CTNNA2: variants seen among roughly 807,000 people sequenced by gnomAD.
CTNNA2 encodes the protein catenin alpha-2.
In CTNNA2, 42 loss-of-function variants were observed where a neutral mutation model predicts 101.0. That is an observed-to-expected ratio of 0.42 (90% CI 0.32 to 0.54). CTNNA2 has a LOEUF of 0.54. Ranked by LOEUF, CTNNA2 falls within the 20% of genes least tolerant of loss-of-function variation. The pLI is 0.14. For synonymous variants in CTNNA2, 450 were observed against 456.4 expected, an observed-to-expected ratio of 0.99 and a Z score of 0.18; for missense variants, 871 against 1,223.1, an observed-to-expected ratio of 0.71 and a Z score of 4.29.
intron 7 of CTNNA2, among the ~76,000 whole-genome samples, chr2:80,071,932 G>A (rs1380830591): frequency 6.6e-6 from 1 of 152,182 alleles, no homozygotes; most frequent in Non-Finnish European, 1.5e-5. Context: ...GTTATTGGAA[G>A]AGAACAAGAG....
chr2:79,341,573 ACT>A (rs1177177729), intron 3 of CTNNA2, among the ~76,000 whole-genome samples: 1 of 152,098 alleles, frequency 6.6e-6, no homozygotes, highest in Non-Finnish European at 1.5e-5. Context: ...TTTGTTTCAG[ACT>A]CTCTTTTCAA....
intron 1 of CTNNA2, among the ~76,000 whole-genome samples, chr2:79,538,567 C>T (rs1257362655): frequency 6.6e-6 from 1 of 152,024 alleles, no homozygotes; most frequent in African/African-American, 2.4e-5. Flanking sequence ...TGCTATCGAG[C>T]AGATTTTGAG....
intron 3 of CTNNA2, among the ~76,000 whole-genome samples, chr2:79,754,428 C>A (rs1438780290): frequency 6.6e-6 from 1 of 152,104 alleles, no homozygotes; most frequent in Non-Finnish European, 1.5e-5. Context: ...AGGCTGAGAG[C>A]TGGTCAGAGA....
intron 1 of CTNNA2, among the ~76,000 whole-genome samples, chr2:79,651,040 G>A (rs532664914): frequency 1.3e-5 from 2 of 152,188 alleles, no homozygotes; most frequent in Non-Finnish European, 2.9e-5. Flanking sequence ...AGGATGTGGA[G>A]AAATAGGAAC....
chr2:80,493,461 CAAT>C (rs763376526), intron 9 of CTNNA2, among the ~76,000 whole-genome samples: 2 of 152,052 alleles, frequency 1.3e-5, no homozygotes, highest in African/African-American at 2.4e-5. Context: ...CTGGAAGACT[CAAT>C]AACACTTCCT....
intron 7 of CTNNA2, among the ~76,000 whole-genome samples, chr2:80,277,284 C>T (rs1462954952): frequency 6.6e-6 from 1 of 152,034 alleles, no homozygotes; most frequent in South Asian, 2.1e-4. Flanking sequence ...CTCCACAGAT[C>T]CTTGAGTTCA....
chr2:80,135,951 AG>A, intron 7 of CTNNA2, among the ~76,000 whole-genome samples: 1 of 152,196 alleles, frequency 6.6e-6, no homozygotes, highest in African/African-American at 2.4e-5. Context: ...CCATGGTAAA[AG>A]GCAGTGTGGT....
chr2:79,394,558 G>C (rs1456510728), intron 4 of CTNNA2, among the ~76,000 whole-genome samples: 4 of 152,160 alleles, frequency 2.6e-5, no homozygotes, highest in Non-Finnish European at 4.4e-5. Flanking sequence ...CAACCTGGGG[G>C]TAGAGTTAAT....
At position 79,858,020 on chromosome 2, in the gene CTNNA2, G is replaced by A. The variant is rs373823087; in HGVS notation, c.306G>A (p.Thr102=). The A allele has an allele frequency of 2.5e-6, 4 of 1,612,450 alleles. No homozygotes were observed. Among genetic ancestry groups the A allele is most frequent in the East Asian group, 4.5e-5 (2 of 44,804 alleles). ...AVEDVRKQGE[T]MRIASSEFAD... Reference sequence around the variant, plus strand: ...TCCGTGTCTGTCTTCCAGGTGAGACGATGCGGATCGCCTCCTCCGAGTTTG... The same window carrying A: ...TCCGTGTCTGTCTTCCAGGTGAGACAATGCGGATCGCCTCCTCCGAGTTTG... The change falls in exon 4 of 19, where the codon ACG becomes ACA. Residue 102 remains threonine, a synonymous_variant. Transcript: ENST00000402739.
chr2:80,639,169 T>TCC (rs1673176688), intron 18 of CTNNA2, among the ~76,000 whole-genome samples: 2 of 152,222 alleles, frequency 1.3e-5, no homozygotes, highest in South Asian at 2.1e-4. Context: ...AGAATTTCAC[T>TCC]TATCAGGGAT....
chr2:79,641,294 A>G (rs1680433934), intron 1 of CTNNA2, among the ~76,000 whole-genome samples: 1 of 152,220 alleles, frequency 6.6e-6, no homozygotes, highest in Non-Finnish European at 1.5e-5. Context: ...TAATCTAAAT[A>G]TGAAATGTTG....
chr2:79,993,138 A>C (rs1371448545), intron 7 of CTNNA2, among the ~76,000 whole-genome samples: 1 of 152,188 alleles, frequency 6.6e-6, no homozygotes, highest in Non-Finnish European at 1.5e-5. Flanking sequence ...GTTACTTCCT[A>C]ACTTCTACTT....
At chr2:80,585,619 T>G (rs972465947) in intron 14 of CTNNA2, among the ~76,000 whole-genome samples, 5 of 152,206 alleles carry the variant, frequency 3.3e-5, no homozygotes, top group African/African-American at 1.2e-4. Flanking sequence ...ATATTGAGTT[T>G]GATTTCAATG....
chr2:79,987,446 G>A (rs1466327796), intron 7 of CTNNA2, among the ~76,000 whole-genome samples: 1 of 152,184 alleles, frequency 6.6e-6, no homozygotes, highest in Admixed American at 6.5e-5. Flanking sequence ...GTGACCTTGG[G>A]CAAGTTAATC....
intron 7 of CTNNA2, among the ~76,000 whole-genome samples, chr2:80,093,868 T>A (rs1324344616): frequency 6.6e-6 from 1 of 152,182 alleles, no homozygotes; most frequent in Non-Finnish European, 1.5e-5. Flanking sequence ...TTTTTTCTTG[T>A]AAATTTGTTT....
intron 7 of CTNNA2, among the ~76,000 whole-genome samples, chr2:79,944,212 C>CTTT (rs1031787785): frequency 3.3e-5 from 5 of 152,180 alleles, no homozygotes; most frequent in Non-Finnish European, 1.5e-5. Context: ...CAAGCACAGA[C>CTTT]TTTAAAACCT....
At chr2:79,275,994 A>T (rs1228564980) in intron 2 of CTNNA2, among the ~76,000 whole-genome samples, 1 of 152,110 alleles carries the variant, frequency 6.6e-6, no homozygotes, top group African/African-American at 2.4e-5. Context: ...TAGATGGGAT[A>T]AAGTGAAGGT....
chr2:80,018,519 A>G (rs1485058564), intron 7 of CTNNA2, among the ~76,000 whole-genome samples: 1 of 152,102 alleles, frequency 6.6e-6, no homozygotes, highest in African/African-American at 2.4e-5. Context: ...GCTCATGCCT[A>G]TAATCCCAGC....
intron 7 of CTNNA2, among the ~76,000 whole-genome samples, chr2:80,133,828 AAAAG>A (rs1195247796): frequency 1.3e-5 from 2 of 152,202 alleles, no homozygotes; most frequent in African/African-American, 4.8e-5. Context: ...TCATTATAGA[AAAAG>A]AAGAAGAAAT....
Sources: gnomAD v4.1 joint callset for allele counts (sites outside exome capture counted in the v4.1 genomes callset) on GRCh38, gnomAD v4.1.1 for gene constraint, MANE v1.5 for transcripts, NCBI Gene and HGNC (gene_info 2026-07-23, HGNC 2026-07-21) for gene names.